Variants in AK8 observed in about 807,000 individuals in gnomAD.
The protein encoded by AK8 is ATP-AMP transphosphorylase 8.
Under a neutral mutation model 54.6 loss-of-function variants are expected in AK8, and 44 were observed. The observed-to-expected ratio is 0.81, with a 90% CI of 0.63 to 1.04. The LOEUF is 1.04. AK8 is among the 50% of genes least tolerant of loss of function. AK8 has a pLI of 0.00. For synonymous variants in AK8, 239 were observed against 245.6 expected (o/e 0.97, Z 0.25); for missense variants, 555 against 613.6 (o/e 0.90, Z 1.01).
chr9:132,841,857 G>C (rs1201440555), intron 5 of AK8, among the ~76,000 whole-genome samples: 2 of 152,098 alleles, frequency 1.3e-5, no homozygotes, highest in East Asian at 3.8e-4. Context: ...GTTGATTAGA[G>C]GAATAGAGGA....
intron 9 of AK8, among the ~76,000 whole-genome samples, chr9:132,817,952 T>C (rs893218749): frequency 4.6e-5 from 7 of 152,170 alleles, no homozygotes; most frequent in Non-Finnish European, 8.8e-5. Context: ...AGAGAAAATA[T>C]TAACAGCAGC....
chr9:132,820,060 C>A (rs1001591893), intron 9 of AK8, among the ~76,000 whole-genome samples: 2 of 140,214 alleles, frequency 1.4e-5, no homozygotes, highest in Non-Finnish European at 3.0e-5. Context: ...GAGGCTGAGG[C>A]GGGAGGATCA....
At chr9:132,804,104 C>CAAAAAAAAAAAAAAAAAAAAA (rs200556575) in intron 10 of AK8, among the ~76,000 whole-genome samples, 1 of 93,270 alleles carries the variant, frequency 1.1e-5, no homozygotes. Flanking sequence ...GACTCCATCT[C>CAAAAAAAAAAAAAAAAAAAAA]AAAAAAAAAA....
At chr9:132,822,811 G>C (rs1462534034) in intron 9 of AK8, among the ~76,000 whole-genome samples, 1 of 152,116 alleles carries the variant, frequency 6.6e-6, no homozygotes, top group African/African-American at 2.4e-5. Context: ...AAACGAGACT[G>C]GAGAAAATAA....
At chr9:132,823,073 A>G in intron 9 of AK8, 132 bp downstream of exon 9, 1 of 1,282,386 alleles carries the variant, frequency 7.8e-7, no homozygotes, top group East Asian at 2.8e-5. Flanking sequence ...TTAAGAACAA[A>G]GAGCCAGAAA....
chr9:132,739,544 T>C (rs1366178419), intron 11 of AK8, among the ~76,000 whole-genome samples: 2 of 148,230 alleles, frequency 1.3e-5, no homozygotes, highest in African/African-American at 5.0e-5. Context: ...TTACAACATA[T>C]ATGATTTTTG....
chr9:132,808,935 G>A (rs1840857777), intron 10 of AK8, among the ~76,000 whole-genome samples: 1 of 152,182 alleles, frequency 6.6e-6, no homozygotes. Context: ...CTGGCTTGGG[G>A]AGTGGTGGGG....
In AK8 at chr9:132,791,576, G is replaced by C. The variant is rs1466030059; in HGVS notation, c.1121+1058C>G. Among the ~76,000 whole-genome samples the C allele has an allele frequency of 1.3e-5, 2 of 152,138 alleles. No homozygotes were observed. The highest frequency in any genetic ancestry group is 1.3e-4 in the Admixed American group (2 of 15,276). On this transcript the variant is annotated intron_variant, in intron 11 of 12. Coordinates refer to ENST00000298545, the MANE Select transcript of AK8 (RefSeq NM_152572.3). This position sits in a 1 kb window ranked among gnomAD's most constrained non-coding sequence, Gnocchi z 4.0. ...CAATGAGAGGGCCTTGTCCTGCATTGACTATTGAAATACAGATATGACAAA... is the reference window on the plus strand; with the variant it reads ...CAATGAGAGGGCCTTGTCCTGCATTCACTATTGAAATACAGATATGACAAA...
rs529675112 is a variant in AK8 at position 132,795,838 on chromosome 9, C to T, written c.980-3063G>A. 2.6e-5 allele frequency among the ~76,000 whole-genome samples: 4 copies of T among 152,186 alleles called. No homozygotes were observed. The East Asian group carries it at 7.7e-4, about 29-fold the overall frequency. On this transcript the variant is annotated intron_variant, in intron 10 of 12. Transcript: ENST00000298545. Reference sequence around the variant, plus strand: ...GCTGATGGTTTGACCGGGCCTAGGACGGCTACTAAGGAGGCCGCATTTGGC... The same window carrying T: ...GCTGATGGTTTGACCGGGCCTAGGATGGCTACTAAGGAGGCCGCATTTGGC...
chr9:132,821,790 A>C (rs1231930947), intron 9 of AK8, among the ~76,000 whole-genome samples: 2 of 134,460 alleles, frequency 1.5e-5, no homozygotes, highest in Admixed American at 7.8e-5. Context: ...TGTATATACA[A>C]ATATATACAT....
intron 5 of AK8, among the ~76,000 whole-genome samples, chr9:132,842,177 G>A (rs1842571135): frequency 6.6e-6 from 1 of 152,172 alleles, no homozygotes; most frequent in Non-Finnish European, 1.5e-5. Context: ...CCATTATTAG[G>A]GCATCCGGAT....
Position 132,799,847 on chromosome 9 carries a change from G to A in AK8, c.980-7072C>T, listed in dbSNP as rs1840359558. Among the ~76,000 whole-genome samples, 1 of 152,054 alleles carries A rather than the reference G, an allele frequency of 6.6e-6. No homozygotes were observed. Among genetic ancestry groups the A allele is most frequent in the Non-Finnish European group, 1.5e-5 (1 of 68,016 alleles). On this transcript the variant is annotated intron_variant, in intron 10 of 12. Coordinates refer to ENST00000298545, the MANE Select transcript of AK8 (RefSeq NM_152572.3). The surrounding 1 kb of genome is among the most constrained non-coding windows in gnomAD (Gnocchi z 5.0). ...CCCTCCTTGAAATTGATGTCAAGAT[G>A]AGCATCAGTGTTCATGGGGGAGGCT...
chr9:132,834,122 T>C (rs565894785), intron 5 of AK8, among the ~76,000 whole-genome samples: 7 of 152,188 alleles, frequency 4.6e-5, no homozygotes, highest in Non-Finnish European at 8.8e-5. Flanking sequence ...TCAGTTTCGC[T>C]CAGTTCCAAG....
chr9:132,877,995 C>T (rs45610335), intron 1 of AK8, 177 bp downstream of exon 1: 48,685 of 1,480,622 alleles, frequency 0.033, 996 homozygotes, highest in Non-Finnish European at 0.037. Flanking sequence ...CCAGGAGCGT[C>T]CCCAGCTCGA....
At position 132,843,926 on chromosome 9, in the gene AK8, G is replaced by A. The variant is rs890254103; in HGVS notation, c.402+10931C>T. On this transcript the variant is annotated intron_variant, in intron 5 of 12. Coordinates refer to ENST00000298545, the MANE Select transcript of AK8 (RefSeq NM_152572.3). Reference sequence around the variant, plus strand: ...AGCAGCAATGTGAAGAAAGAGTTGGGAAGAAACCAGGGTAGCTGTGGGGAG... The same window carrying A: ...AGCAGCAATGTGAAGAAAGAGTTGGAAAGAAACCAGGGTAGCTGTGGGGAG... Among the ~76,000 whole-genome samples the A allele has an allele frequency of 3.3e-5, 5 of 152,264 alleles. 1 individual carries two copies. The highest frequency in any genetic ancestry group is 1.9e-4 in the East Asian group (1 of 5,186).
Position 132,878,281 on chromosome 9 carries a change from T to C in AK8, c.-26A>G. 3 of 1,340,148 alleles carry C rather than the reference T, an allele frequency of 2.2e-6. No homozygotes were observed. Among genetic ancestry groups the C allele is most frequent in the Non-Finnish European group, 2.9e-6 (3 of 1,037,702 alleles). 83.0% of individuals were successfully genotyped at this position (1,340,148 alleles called of 1,614,324 possible). ...GTAGCCGTCTCGGCTCGCCGCTCCC[T>C]AGTAACCGCGTCGCTAGGGCCGCCG... On this transcript the variant is annotated 5_prime_UTR_variant, in exon 1 of 13. Coordinates refer to ENST00000298545, the MANE Select transcript of AK8 (RefSeq NM_152572.3). This position sits in a 1 kb window ranked among gnomAD's most constrained non-coding sequence, Gnocchi z 4.7.
intron 5 of AK8, among the ~76,000 whole-genome samples, chr9:132,845,420 CTATGCAAAGAGGT>C (rs1241382081): frequency 6.6e-6 from 1 of 152,142 alleles, no homozygotes; most frequent in Non-Finnish European, 1.5e-5. Context: ...TGCAGGTGCA[CTATGCAAAGAGGT>C]TATGCAGACC....
intron 9 of AK8, among the ~76,000 whole-genome samples, chr9:132,818,862 G>T (rs1804022620): frequency 6.6e-6 from 1 of 151,316 alleles, no homozygotes; most frequent in African/African-American, 2.4e-5. Context: ...AAAAAAAAAA[G>T]TGAGACCCAA....
intron 11 of AK8, among the ~76,000 whole-genome samples, chr9:132,761,233 T>C (rs1838446157): frequency 6.6e-6 from 1 of 151,786 alleles, no homozygotes; most frequent in South Asian, 2.1e-4. Context: ...TATGGGACTT[T>C]GGATTTTCTA....
Sources: allele counts gnomAD v4.1 joint callset (sites outside exome capture counted in the v4.1 genomes callset), GRCh38; gene constraint gnomAD v4.1.1; non-coding constraint Gnocchi (gnomAD v3.1); transcripts MANE v1.5; gene names NCBI Gene and HGNC (gene_info 2026-07-23, HGNC 2026-07-21).